Variants in PARVA observed in about 807,000 individuals in gnomAD.
PARVA encodes alpha-parvin.
In PARVA, 25 loss-of-function variants were observed where a neutral mutation model predicts 52.6. That is an observed-to-expected ratio of 0.48 (90% CI 0.35 to 0.66). The LOEUF (loss-of-function observed/expected upper bound fraction) is 0.66. Among genes scored for constraint, PARVA ranks in the 30% least tolerant of loss-of-function variants. The probability of loss-of-function intolerance (pLI) is 0.01; values close to 1 mark genes in which losing one functional copy is unlikely to be tolerated. For missense variants in PARVA, 373 were observed against 450.9 expected, an observed-to-expected ratio of 0.83 and a Z score of 1.56; for synonymous variants, 185 against 179.1, an observed-to-expected ratio of 1.03 and a Z score of -0.26.
At chr11:12,381,320 A>C (rs1471677122) in intron 1 of PARVA, among the ~76,000 whole-genome samples, 2 of 152,164 alleles carry the variant, frequency 1.3e-5, no homozygotes, top group Non-Finnish European at 2.9e-5. Flanking sequence ...TGCCTTCTTC[A>C]ACTTTCTCTT....
chr11:12,403,066 C>T (rs977264587), intron 1 of PARVA, among the ~76,000 whole-genome samples: 2 of 152,200 alleles, frequency 1.3e-5, no homozygotes, highest in South Asian at 2.1e-4. Flanking sequence ...GCACATGCCT[C>T]GCTGCCTCCT....
At chr11:12,493,028 AAT>A (rs1046297744) in intron 4 of PARVA, among the ~76,000 whole-genome samples, 2 of 152,104 alleles carry the variant, frequency 1.3e-5, no homozygotes, top group African/African-American at 4.8e-5. Context: ...CAATAGCAAA[AAT>A]ATATATATAC....
chr11:12,487,575 G>A (rs1322768164), intron 4 of PARVA, among the ~76,000 whole-genome samples: 1 of 152,188 alleles, frequency 6.6e-6, no homozygotes, highest in African/African-American at 2.4e-5. Flanking sequence ...TTAAAAAAAT[G>A]AACATTGCCA....
At chr11:12,395,345 C>A (rs573857560) in intron 1 of PARVA, among the ~76,000 whole-genome samples, 8 of 152,318 alleles carry the variant, frequency 5.3e-5, no homozygotes, top group African/African-American at 1.2e-4. Context: ...TACCGAAGAA[C>A]AGCTTTACAC....
chr11:12,410,782 A>C (rs1360439043), intron 1 of PARVA, among the ~76,000 whole-genome samples: 2 of 152,204 alleles, frequency 1.3e-5, no homozygotes, highest in South Asian at 2.1e-4. Context: ...TTCAGTGTTA[A>C]AAAGAAAGAA....
rs149770949 is a variant in PARVA at position 12,509,590 on chromosome 11, C to T, written c.716+948C>T. ...CCATGACTGACAGGAGTCTGGGGCA[C>T]TGCCCGTCTAGATCACATTGTGTAC... On this transcript the variant is annotated intron_variant, in intron 7 of 12. Coordinates refer to ENST00000334956, the MANE Select transcript of PARVA (RefSeq NM_018222.5). Among the ~76,000 whole-genome samples the T allele has an allele frequency of 6.9e-4, 105 of 152,348 alleles. 3 individuals carry two copies. The East Asian group carries it at 0.019, about 28-fold the overall frequency.
At chr11:12,429,953 T>A (rs1266929031) in intron 1 of PARVA, among the ~76,000 whole-genome samples, 2 of 152,194 alleles carry the variant, frequency 1.3e-5, no homozygotes, top group Non-Finnish European at 2.9e-5. Flanking sequence ...GGAAGAATAT[T>A]TTCCTTTTTT....
chr11:12,474,515 C>CTA (rs1940979497), intron 3 of PARVA, among the ~76,000 whole-genome samples: 2 of 152,122 alleles, frequency 1.3e-5, no homozygotes, highest in African/African-American at 4.8e-5. Context: ...ATTCCCTGTC[C>CTA]TATGTTCCTC....
rs571502201 is a variant in PARVA, at chr11:12,426,726, T to G, written c.137-47019T>G. ...GGGCCAGGGTATCACCAGGTTGTCT[T>G]GTGCCTCCAGAGCCTAAGCTCTGCC... is the stretch of plus-strand genomic sequence containing the variant. On this transcript the variant is annotated intron_variant, in intron 1 of 12. Transcript: ENST00000334956. 1.5e-3 allele frequency among the ~76,000 whole-genome samples: 227 copies of G among 152,200 alleles called. 2 individuals carry two copies. The highest frequency in any genetic ancestry group is 5.3e-3 in the African/African-American group (222 of 41,540).
intron 5 of PARVA, 51 bp downstream of exon 5, chr11:12,496,649 G>C: frequency 6.4e-7 from 1 of 1,560,370 alleles, no homozygotes; most frequent in East Asian, 2.3e-5. Context: ...TGTGGTCCCT[G>C]CCATGGGGCT....
chr11:12,495,530 A>G (rs186549184), intron 4 of PARVA, among the ~76,000 whole-genome samples: 2 of 152,196 alleles, frequency 1.3e-5, no homozygotes, highest in Non-Finnish European at 2.9e-5. Flanking sequence ...TAGGCAACCA[A>G]TTTCCTGTTA....
chr11:12,481,597 TG>T (rs1941087673), intron 4 of PARVA, among the ~76,000 whole-genome samples: 1 of 152,340 alleles, frequency 6.6e-6, no homozygotes, highest in South Asian at 2.1e-4. Context: ...TATTAGTGGA[TG>T]TTTTTAACTT....
At chr11:12,511,972 CAAAA>C (rs1941508298) in intron 8 of PARVA, among the ~76,000 whole-genome samples, 1 of 152,110 alleles carries the variant, frequency 6.6e-6, no homozygotes, top group African/African-American at 2.4e-5. Context: ...AAACAACAAT[CAAAA>C]AGAACCAAAA....
intron 12 of PARVA, among the ~76,000 whole-genome samples, chr11:12,527,325 C>G (rs181543430): frequency 9.8e-6 from 1 of 102,234 alleles, no homozygotes; most frequent in South Asian, 2.9e-4. Context: ...AGGAAGTGAG[C>G]GAGAGAGGGA....
chr11:12,534,309 G>C lies in PARVA; in HGVS notation c.*6384G>C, dbSNP rs1941810029. Among the ~76,000 whole-genome samples, 1 of 152,172 alleles carries C rather than the reference G, an allele frequency of 6.6e-6. No individual in the cohort carries two copies. The highest frequency in any genetic ancestry group is 2.4e-5 in the African/African-American group (1 of 41,440). ...GAAATATGCTTGGAAATCCCCGCTT[G>C]AAATCTCCTTGGTTGGAAACCAGTC... On this transcript the variant is annotated 3_prime_UTR_variant, in exon 13 of 13. Coordinates refer to ENST00000334956, the MANE Select transcript of PARVA (RefSeq NM_018222.5).
intron 12 of PARVA, among the ~76,000 whole-genome samples, chr11:12,522,488 G>A (rs916032535): frequency 1.4e-5 from 2 of 144,590 alleles, no homozygotes; most frequent in African/African-American, 5.2e-5. Context: ...GCGTGGTCTC[G>A]GCTCACTGGA....
At chr11:12,447,570 A>ATACT (rs1338953023) in intron 1 of PARVA, among the ~76,000 whole-genome samples, 1 of 152,166 alleles carries the variant, frequency 6.6e-6, no homozygotes, top group East Asian at 1.9e-4. Flanking sequence ...TAAAGTTATA[A>ATACT]TACTTATTTG....
At chr11:12,442,935 C>A (rs1369161825) in intron 1 of PARVA, among the ~76,000 whole-genome samples, 1 of 148,144 alleles carries the variant, frequency 6.8e-6, no homozygotes, top group Admixed American at 6.9e-5. Context: ...GATTTTGGCT[C>A]ACTGCAAGTT....
chr11:12,530,840 T>C lies in PARVA; in HGVS notation c.*2915T>C, dbSNP rs1015128434. Reference sequence around the variant, plus strand: ...TAAATCCAAATGCGTATCTCCAGTCTGCTCGAGCTAGGAAAGGAAAAAAGC... The same window carrying C: ...TAAATCCAAATGCGTATCTCCAGTCCGCTCGAGCTAGGAAAGGAAAAAAGC... On this transcript the variant is annotated 3_prime_UTR_variant, in exon 13 of 13. Transcript: ENST00000334956. 1 of 152,198 alleles carries C rather than the reference T, an allele frequency of 6.6e-6. No homozygotes were observed. Among genetic ancestry groups the C allele is most frequent in the Admixed American group, 6.5e-5 (1 of 15,274 alleles). 9.4% of individuals were successfully genotyped at this position (152,198 alleles called of 1,614,324 possible). A position where few individuals can be genotyped will look rare whatever the true frequency, so the allele number is the denominator to read the frequency against.
Sources: allele counts gnomAD v4.1 joint callset (sites outside exome capture counted in the v4.1 genomes callset), GRCh38; gene constraint gnomAD v4.1.1; transcripts MANE v1.5; gene names NCBI Gene and HGNC (gene_info 2026-07-23, HGNC 2026-07-21).